RARB: variants seen among roughly 807,000 people sequenced by gnomAD.
RARB encodes the protein retinoic acid receptor beta.
RARB carries 17 observed loss-of-function variants against 51.9 expected under a neutral mutation model. The observed-to-expected ratio is 0.33, with a 90% CI of 0.22 to 0.49. The LOEUF is 0.49. Among genes scored for constraint, RARB ranks in the 20% least tolerant of loss-of-function variants. The pLI is 0.99. For synonymous variants in RARB, 215 were observed against 195.4 expected (o/e 1.10, Z -0.84); for missense variants, 369 against 550.8 (o/e 0.67, Z 3.30).
At chr3:24,987,823 C>A (rs567395751) in intron 2 of RARB, among the ~76,000 whole-genome samples, 4 of 152,192 alleles carry the variant, frequency 2.6e-5, no homozygotes, top group African/African-American at 7.2e-5. Flanking sequence ...AAAACAGACA[C>A]AAAGGTCTCA....
At chr3:25,231,878 A>T (rs1702185538) in intron 5 of RARB, among the ~76,000 whole-genome samples, 1 of 152,054 alleles carries the variant, frequency 6.6e-6, no homozygotes, top group Non-Finnish European at 1.5e-5. Context: ...TCATTCTCTT[A>T]GTGTTTTTTA....
intron 2 of RARB, among the ~76,000 whole-genome samples, chr3:24,906,399 C>T (rs1178445942): frequency 6.6e-6 from 1 of 152,108 alleles, no homozygotes; most frequent in Admixed American, 6.5e-5. Flanking sequence ...CAAAATTTGA[C>T]AAATGACAGA....
At chr3:25,132,185 T>C (rs1453822445) in exon 4 of RARB, among the ~76,000 whole-genome samples, 4 of 151,922 alleles carry the variant, frequency 2.6e-5, no homozygotes, top group African/African-American at 9.7e-5. Flanking sequence ...CTTCCTTCTT[T>C]CAACTTCTGC....
At chr3:25,346,287 G>C (rs1705391092) in intron 5 of RARB, among the ~76,000 whole-genome samples, 1 of 152,144 alleles carries the variant, frequency 6.6e-6, no homozygotes, top group Non-Finnish European at 1.5e-5. Context: ...ATTTTCTTGA[G>C]ACAGGGAGTA....
chr3:25,428,133 T>A, upstream of RARB: 6 of 943,222 alleles, frequency 6.4e-6, no homozygotes, highest in Non-Finnish European at 8.2e-6. Flanking sequence ...TGCTGGGAGT[T>A]TTTAAGCTCT....
In RARB at chr3:25,239,150, G is replaced by A. The variant is rs755625789; in HGVS notation, c.178+64575G>A. On this transcript the variant is annotated intron_variant, in intron 5 of 11. Transcript: ENST00000383772. ...ATGTCCTTTGCCCACTTTTTAATGGGATTGTTTATTACTATTAAATTGTTT... is the reference window on the plus strand; with the variant it reads ...ATGTCCTTTGCCCACTTTTTAATGGAATTGTTTATTACTATTAAATTGTTT... Among the ~76,000 whole-genome samples the A allele has an allele frequency of 3.5e-4, 53 of 152,070 alleles. 1 individual carries two copies. Among genetic ancestry groups the A allele is most frequent in the Admixed American group, 3.9e-4 (6 of 15,266 alleles).
intron 2 of RARB, among the ~76,000 whole-genome samples, chr3:25,465,330 T>G (rs1294289884): frequency 1.3e-5 from 2 of 152,198 alleles, no homozygotes; most frequent in South Asian, 2.1e-4. Flanking sequence ...TACCAGCAGA[T>G]GCACCATAGG....
At chr3:24,891,562 T>A (rs963410830) in intron 2 of RARB, among the ~76,000 whole-genome samples, 5 of 152,320 alleles carry the variant, frequency 3.3e-5, no homozygotes, top group Non-Finnish European at 7.3e-5. Context: ...CACCCCCATC[T>A]CTATAAATAT....
chr3:25,199,490 A>G lies in RARB; in HGVS notation c.178+24915A>G, dbSNP rs1242562737. On this transcript the variant is annotated intron_variant, in intron 5 of 11. Transcript: ENST00000383772. ...TATTATACTTTAAGTTTTAGGGTAC[A>G]TGTGCACAATGTGCAGGTTTGTTAC... is the stretch of plus-strand genomic sequence containing the variant. 3.9e-5 allele frequency among the ~76,000 whole-genome samples: 6 copies of G among 152,160 alleles called. 1 individual carries two copies. Among genetic ancestry groups the G allele is most frequent in the Admixed American group, 3.9e-4 (6 of 15,246 alleles).
At chr3:25,097,314 TA>T (rs1437672790) in intron 3 of RARB, among the ~76,000 whole-genome samples, 1 of 152,164 alleles carries the variant, frequency 6.6e-6, no homozygotes, top group East Asian at 1.9e-4. Context: ...CAGCATGGTT[TA>T]AAATAGAAAT....
At chr3:24,992,382 C>T (rs1696931638) in intron 2 of RARB, among the ~76,000 whole-genome samples, 1 of 151,956 alleles carries the variant, frequency 6.6e-6, no homozygotes, top group African/African-American at 2.4e-5. Context: ...TCTTTCTGTC[C>T]TCTTAAACAG....
intron 3 of RARB, among the ~76,000 whole-genome samples, chr3:25,065,645 A>C (rs1035641880): frequency 6.6e-6 from 1 of 152,250 alleles, no homozygotes; most frequent in Non-Finnish European, 1.5e-5. Flanking sequence ...TTCTTATCAC[A>C]GTGAGCGGAG....
intron 5 of RARB, among the ~76,000 whole-genome samples, chr3:25,581,716 G>A (rs1296640232): frequency 6.6e-6 from 1 of 152,160 alleles, no homozygotes; most frequent in Non-Finnish European, 1.5e-5. Context: ...AGGTTACAGG[G>A]TGGAGCCCCA....
At chr3:24,904,609 C>T (rs1694808902) in intron 2 of RARB, among the ~76,000 whole-genome samples, 1 of 152,186 alleles carries the variant, frequency 6.6e-6, no homozygotes, top group South Asian at 2.1e-4. Context: ...TGTGATGATT[C>T]CTCAAGGATA....
At chr3:24,988,458 AAATT>A (rs377183730) in intron 2 of RARB, among the ~76,000 whole-genome samples, 2 of 152,344 alleles carry the variant, frequency 1.3e-5, no homozygotes, top group African/African-American at 2.4e-5. Flanking sequence ...GAAAACATTA[AAATT>A]AATCCATGTA....
chr3:25,364,136 T>G (rs1403072370), intron 5 of RARB, among the ~76,000 whole-genome samples: 1 of 152,214 alleles, frequency 6.6e-6, no homozygotes. Flanking sequence ...CTTTTTTTGT[T>G]TTATTTTGTG....
intron 3 of RARB, among the ~76,000 whole-genome samples, chr3:25,568,178 G>A (rs1700573977): frequency 6.6e-6 from 1 of 152,172 alleles, no homozygotes; most frequent in African/African-American, 2.4e-5. Context: ...TCATTTCAGA[G>A]TCCTGGGGGA....
intron 3 of RARB, among the ~76,000 whole-genome samples, chr3:25,128,223 G>T (rs540605708): frequency 8.5e-5 from 13 of 152,100 alleles, no homozygotes; most frequent in Non-Finnish European, 1.8e-4. Flanking sequence ...TGTGCATTTT[G>T]GAATCTCCTA....
At chr3:25,345,664 CAAA>C (rs71061207) in intron 5 of RARB, among the ~76,000 whole-genome samples, 113 of 96,490 alleles carry the variant, frequency 1.2e-3, no homozygotes, top group Admixed American at 3.7e-3. Context: ...GACTCCGTCT[CAAA>C]AAAAAAAAAA....
Sources: allele counts gnomAD v4.1 joint callset (sites outside exome capture counted in the v4.1 genomes callset), GRCh38; gene constraint gnomAD v4.1.1; transcripts MANE v1.5; gene names NCBI Gene and HGNC (gene_info 2026-07-23, HGNC 2026-07-21).